ITPR3: variants seen among roughly 807,000 people sequenced by gnomAD.
ITPR3 encodes inositol 1,4,5-trisphosphate-gated calcium channel ITPR3.
Under a neutral mutation model 293.2 loss-of-function variants are expected in ITPR3, and 173 were observed. The ratio of observed to expected loss-of-function variants is 0.59; its 90% confidence interval spans 0.52 to 0.67. ITPR3 has a LOEUF of 0.67. ITPR3 is among the 30% of genes least tolerant of loss of function. The pLI is 0.00. For synonymous variants in ITPR3, 1,295 were observed against 1,444.4 expected (o/e 0.90, Z 2.35); for missense variants, 2,796 against 3,592.1 (o/e 0.78, Z 5.66).
At position 33,683,868 on chromosome 6, in the gene ITPR3, T is replaced by A; in HGVS notation, c.4789-152T>A. On this transcript the variant is annotated intron_variant, in intron 35 of 57. Coordinates refer to ENST00000605930, the MANE Select transcript of ITPR3 (RefSeq NM_002224.4). The surrounding 1 kb of genome is among the most constrained non-coding windows in gnomAD (Gnocchi z 4.5). ...AGCCAGGGCTCTGAGCAGACAGACA[T>A]CACGCTGTGTTCAGGGTGTCTCTGT... 1 of 815,652 alleles carries A rather than the reference T, an allele frequency of 1.2e-6. No homozygotes were observed. Among genetic ancestry groups the A allele is most frequent in the Non-Finnish European group, 1.9e-6 (1 of 534,326 alleles). 50.5% of individuals were successfully genotyped at this position (815,652 alleles called of 1,614,324 possible). A position where few individuals can be genotyped will look rare whatever the true frequency, so the allele number is the denominator to read the frequency against.
In ITPR3 at chr6:33,667,424, G is replaced by A. The variant is rs1259468202; in HGVS notation, c.1713+134G>A. Reference sequence around the variant, plus strand: ...CAGTAGGGCACCAGACAGCAGGGCCGGGTTCATGGGAATGGGACCTGGCCC... The same window carrying A: ...CAGTAGGGCACCAGACAGCAGGGCCAGGTTCATGGGAATGGGACCTGGCCC... On this transcript the variant is annotated intron_variant, in intron 15 of 57. Transcript: ENST00000605930. The surrounding 1 kb of genome is among the most constrained non-coding windows in gnomAD (Gnocchi z 4.4). 7 of 1,190,490 alleles carry A rather than the reference G, an allele frequency of 5.9e-6. No individual in the cohort carries two copies. Among genetic ancestry groups the A allele is most frequent in the South Asian group, 1.6e-5 (1 of 63,724 alleles). The allele number at this position is 1,190,490 out of a possible 1,614,324, so 73.7% of individuals were successfully genotyped here. A position where few individuals can be genotyped will look rare whatever the true frequency, so the allele number is the denominator to read the frequency against.
At chr6:33,681,590 G>T (rs1212385163) in intron 33 of ITPR3, among the ~76,000 whole-genome samples, 1 of 152,154 alleles carries the variant, frequency 6.6e-6, no homozygotes, top group African/African-American at 2.4e-5. Flanking sequence ...CCTTAAGGAA[G>T]GGCCCTGCTA....
Position 33,675,795 on chromosome 6 carries a change from C to T in ITPR3, c.3221C>T (p.Ala1074Val), listed in dbSNP as rs757481660. ...MHDYAPLVSG[A>V]LQLLFKHFSQ... ...GACTATGCGCCGCTGGTCTCGGGTG[C>T]CCTGCAGCTGCTCTTCAAGCACTTC... is the stretch of plus-strand genomic sequence containing the variant. Residue 1074 changes from alanine (A) to valine (V), a missense_variant, in exon 25 of 58, where the codon GCC becomes GTC. This residue lies in a region of ITPR3 where 955 missense variants were observed against 1,180.8 expected (regional missense o/e 0.81). Transcript: ENST00000605930. This position sits in a 1 kb window ranked among gnomAD's most constrained non-coding sequence, Gnocchi z 5.0. The T allele has an allele frequency of 6.2e-7, 1 of 1,606,626 alleles. No individual in the cohort carries two copies. Among genetic ancestry groups the T allele is most frequent in the South Asian group, 1.1e-5 (1 of 89,888 alleles).
intron 43 of ITPR3, among the ~76,000 whole-genome samples, 160 bp downstream of exon 43, chr6:33,686,679 G>C (rs1052471453): frequency 1.3e-5 from 2 of 152,158 alleles, no homozygotes; most frequent in Non-Finnish European, 2.9e-5. Context: ...GTGTGTGCAG[G>C]GTGTGTGTGT....
rs756479384 is a variant in ITPR3 at position 33,684,800 on chromosome 6, G to C, written c.5164G>C (p.Ala1722Pro). 1 of 1,612,716 alleles carries C rather than the reference G, an allele frequency of 6.2e-7. No individual in the cohort carries two copies. Among genetic ancestry groups the C allele is most frequent in the Non-Finnish European group, 8.5e-7 (1 of 1,179,150 alleles). ...CCTGGACCCAGACTGGTCGGCAATC[G>C]CAGCCACCCAGTGCCGGCTGGACAA... ...TGLDPDWSAIAATQCRLDKEG... is the reference protein window; with the variant it reads ...TGLDPDWSAIPATQCRLDKEG... The change falls in exon 39 of 58, where the codon GCA becomes CCA. Residue 1722 changes from alanine (A) to proline (P), a missense_variant. Coordinates refer to ENST00000605930, the MANE Select transcript of ITPR3 (RefSeq NM_002224.4). This position sits in a 1 kb window ranked among gnomAD's most constrained non-coding sequence, Gnocchi z 4.2.
Position 33,686,389 on chromosome 6 carries a change from C to T in ITPR3, c.5869-20C>T. On this transcript the variant is annotated intron_variant, in intron 42 of 57. Coordinates refer to ENST00000605930, the MANE Select transcript of ITPR3 (RefSeq NM_002224.4). ...TTCTGAGAGGGCCTGGGCCCTGTGT[C>T]CCCCACTGCCTCCTGCCAGACTTGC... 6.2e-7 allele frequency: 1 copy of T among 1,605,496 alleles called. No homozygotes were observed. Among genetic ancestry groups the T allele is most frequent in the African/African-American group, 1.3e-5 (1 of 74,850 alleles).
intron 50 of ITPR3, 81 bp downstream of exon 50, chr6:33,689,491 C>T (rs1765332939): frequency 6.7e-7 from 1 of 1,489,902 alleles, no homozygotes; most frequent in African/African-American, 1.4e-5. Flanking sequence ...CTGCTGCTTC[C>T]AGGAGCCACT....
At position 33,622,528 on chromosome 6, in the gene ITPR3, C is replaced by T. The variant is rs555197760; in HGVS notation, c.89+837C>T. 1.1e-4 allele frequency among the ~76,000 whole-genome samples: 16 copies of T among 152,218 alleles called. No homozygotes were observed. In the South Asian group the frequency reaches 3.1e-3, roughly 30 times the overall value. ...CTGGATGGGAGCGTAGGTGGTTTCT[C>T]CAGCCAGACCCCAGGGCAGGGTCGG... On this transcript the variant is annotated intron_variant, in intron 1 of 57. Transcript: ENST00000605930.
At position 33,667,997 on chromosome 6, in the gene ITPR3, G is replaced by T. The variant is rs1764658853; in HGVS notation, c.1886+33G>T. 6.2e-7 allele frequency: 1 copy of T among 1,610,392 alleles called. No homozygotes were observed. The highest frequency in any genetic ancestry group is 8.5e-7 in the Non-Finnish European group (1 of 1,178,042). On this transcript the variant is annotated intron_variant, in intron 16 of 57. Coordinates refer to ENST00000605930, the MANE Select transcript of ITPR3 (RefSeq NM_002224.4). The surrounding 1 kb of genome is among the most constrained non-coding windows in gnomAD (Gnocchi z 4.4). The stretch of plus-strand genomic sequence containing the variant: ...CGAACCCCCTCCCCGGCCGGCGCCT[G>T]CTCCTCCCTCCTCCCTTGCCTGGGT...
At position 33,687,518 on chromosome 6, in the gene ITPR3, C is replaced by T. The variant is rs533780577; in HGVS notation, c.6218C>T (p.Pro2073Leu). Residue 2073 changes from proline (P) to leucine (L), a missense_variant, in exon 46 of 58, where the codon CCG becomes CTG. Physicochemically the swap from Pro to Leu is moderately conservative, Grantham distance 98. Around this residue, in one of 8 missense-constraint regions of ITPR3, gnomAD observed 704 missense variants for 797.5 expected, o/e 0.88. Coordinates refer to ENST00000605930, the MANE Select transcript of ITPR3 (RefSeq NM_002224.4). The surrounding 1 kb of genome is among the most constrained non-coding windows in gnomAD (Gnocchi z 5.3). ...AAACAGCTGCAGCACCTGCTGAAGC[C>T]GGTGAAGCGCATTCAAGAGGAGGAG... Reference protein sequence around the residue: ...HNKQLQHLLKPVKRIQEEEAE... With the variant: ...HNKQLQHLLKLVKRIQEEEAE... 1.4e-5 allele frequency: 22 copies of T among 1,611,412 alleles called. No homozygotes were observed. Among genetic ancestry groups the T allele is most frequent in the Middle Eastern group, 1.8e-4 (1 of 5,478 alleles).
At position 33,633,130 on chromosome 6, in the gene ITPR3, G is replaced by A. The variant is rs531823909; in HGVS notation, c.90-7354G>A. On this transcript the variant is annotated intron_variant, in intron 1 of 57. Transcript: ENST00000605930. The surrounding 1 kb of genome is among the most constrained non-coding windows in gnomAD (Gnocchi z 5.2). ...GCTGGGGTACCACCGGCCTCTAGGT[G>A]AGGGGCGATGCCGGTGGTGGGCGTA... 1.1e-4 allele frequency among the ~76,000 whole-genome samples: 17 copies of A among 152,360 alleles called. No homozygotes were observed. In the South Asian group the frequency reaches 2.3e-3, roughly 20 times the overall value.
At chr6:33,676,985 G>GGCT in intron 26 of ITPR3, 30 bp from the exon 27 acceptor site, 1 of 1,613,996 alleles carries the variant, frequency 6.2e-7, no homozygotes, top group Non-Finnish European at 8.5e-7. Context: ...GGCTGGGCCT[G>GGCT]GCTGATCTCC....
chr6:33,695,780 AG>A lies in ITPR3; in HGVS notation c.*2del. On this transcript the variant is annotated 3_prime_UTR_variant, in exon 58 of 58. Transcript: ENST00000605930. ...ATGTCCAGAACTGCATTAGCCGCTG[AG>A]GAGAGCCACCGAAGGCCCCAACAGG... 6.2e-7 allele frequency: 1 copy of A among 1,614,062 alleles called. No individual in the cohort carries two copies. Among genetic ancestry groups the A allele is most frequent in the African/African-American group, 1.3e-5 (1 of 75,064 alleles).
chr6:33,674,365 C>A, intron 24 of ITPR3, 100 bp downstream of exon 24: 1 of 1,119,408 alleles, frequency 8.9e-7, no homozygotes, highest in Non-Finnish European at 1.3e-6. Flanking sequence ...GGCTCTTCCT[C>A]TCTGCCATTC....
Position 33,683,168 on chromosome 6 carries a change from C to T in ITPR3, c.4598-39C>T, listed in dbSNP as rs1373186133. 1 of 1,443,160 alleles carries T rather than the reference C, an allele frequency of 6.9e-7. No homozygotes were observed. The allele number at this position is 1,443,160 out of a possible 1,614,324, so 89.4% of individuals were successfully genotyped here. ...TGGCCTCTGGCTGGCTGAACTGCCC[C>T]CGCACCAGCACTCCAGCACTCCCTC... On this transcript the variant is annotated intron_variant, in intron 34 of 57. Coordinates refer to ENST00000605930, the MANE Select transcript of ITPR3 (RefSeq NM_002224.4). This position sits in a 1 kb window ranked among gnomAD's most constrained non-coding sequence, Gnocchi z 4.5.
rs945140235 is a variant in ITPR3, at chr6:33,660,650, C to T, written c.711+1101C>T. Among the ~76,000 whole-genome samples, 110 of 152,126 alleles carry T rather than the reference C, an allele frequency of 7.2e-4. 3 individuals carry two copies. The highest frequency in any genetic ancestry group is 5.9e-4 in the Admixed American group (9 of 15,272). ...CACTTAGGAAATGAAGCATCTTGGCCGGGCGGGGTGGCTCATGCCTGTAAT... is the reference window on the plus strand; with the variant it reads ...CACTTAGGAAATGAAGCATCTTGGCTGGGCGGGGTGGCTCATGCCTGTAAT... On this transcript the variant is annotated intron_variant, in intron 7 of 57. Transcript: ENST00000605930.
At position 33,685,386 on chromosome 6, in the gene ITPR3, G is replaced by C. The variant is rs755807001; in HGVS notation, c.5335G>C (p.Asp1779His). 6.2e-7 allele frequency: 1 copy of C among 1,613,330 alleles called. No homozygotes were observed. The highest frequency in any genetic ancestry group is 8.5e-7 in the Non-Finnish European group (1 of 1,179,350). ...ATCCTTCCACAACCTGATGATGAGTGACAAGAAGTCAGAGCGCTTCTTCAA... is the reference window on the plus strand; with the variant it reads ...ATCCTTCCACAACCTGATGATGAGTCACAAGAAGTCAGAGCGCTTCTTCAA... ...QKSFHNLMMS[D>H]KKSERFFKVL... The change falls in exon 40 of 58, where the codon GAC becomes CAC. Residue 1779 changes from aspartate (D) to histidine (H), a missense_variant. This residue lies in a region of ITPR3 where 704 missense variants were observed against 797.5 expected (regional missense o/e 0.88). Coordinates refer to ENST00000605930, the MANE Select transcript of ITPR3 (RefSeq NM_002224.4).
At position 33,624,511 on chromosome 6, in the gene ITPR3, CCAGGGGA is replaced by C. The variant is rs1462584183; in HGVS notation, c.89+2822_89+2828del. ...GAGAATCTGCATTTTATTAAGATCC[CCAGGGGA>C]CTGGTGCATTAAAGTGTGAGGAGCG... is the stretch of plus-strand genomic sequence containing the variant. On this transcript the variant is annotated intron_variant, in intron 1 of 57. Coordinates refer to ENST00000605930, the MANE Select transcript of ITPR3 (RefSeq NM_002224.4). The surrounding 1 kb of genome is among the most constrained non-coding windows in gnomAD (Gnocchi z 4.7). 6.6e-6 allele frequency among the ~76,000 whole-genome samples: 1 copy of C among 152,222 alleles called. No homozygotes were observed. The highest frequency in any genetic ancestry group is 2.4e-5 in the African/African-American group (1 of 41,450).
chr6:33,677,800 G>A (rs965501417), intron 28 of ITPR3, among the ~76,000 whole-genome samples, 171 bp downstream of exon 28: 3 of 152,014 alleles, frequency 2.0e-5, no homozygotes, highest in South Asian at 2.1e-4. Context: ...TCTTAGTATC[G>A]GTTCAACCTT....
Sources: allele counts gnomAD v4.1 joint callset (sites outside exome capture counted in the v4.1 genomes callset), GRCh38; gene constraint gnomAD v4.1.1; regional missense constraint gnomAD v4.1.1; non-coding constraint Gnocchi (gnomAD v3.1); transcripts MANE v1.5; gene names NCBI Gene and HGNC (gene_info 2026-07-23, HGNC 2026-07-21).